Variants in GPC6 observed in about 807,000 individuals in gnomAD.
GPC6 encodes the protein glypican-6.
In GPC6, 14 loss-of-function variants were observed where a neutral mutation model predicts 55.2. That is an observed-to-expected ratio of 0.25 (90% CI 0.17 to 0.40). GPC6 has a LOEUF of 0.40. Ranked by LOEUF, GPC6 falls within the 10% of genes least tolerant of loss-of-function variation. GPC6 has a pLI of 1.00. For missense variants in GPC6, 641 were observed against 708.5 expected (o/e 0.90, Z 1.08); for synonymous variants, 278 against 259.6 (o/e 1.07, Z -0.68).
intron 1 of GPC6, among the ~76,000 whole-genome samples, chr13:93,418,723 C>T (rs1469725496): frequency 6.6e-6 from 1 of 151,294 alleles, no homozygotes; most frequent in Non-Finnish European, 1.5e-5. Context: ...TAGCACTATA[C>T]CGTAGTGTCA....
chr13:93,893,122 C>T (rs887671603), intron 3 of GPC6, among the ~76,000 whole-genome samples: 1 of 149,868 alleles, frequency 6.7e-6, no homozygotes, highest in African/African-American at 2.5e-5. Context: ...TGCAATGGCA[C>T]AATCTCTGCT....
In GPC6 at chr13:93,295,186, G is replaced by A. The variant is rs547354282; in HGVS notation, c.160+67570G>A. On this transcript the variant is annotated intron_variant, in intron 1 of 8. Coordinates refer to ENST00000377047, the MANE Select transcript of GPC6 (RefSeq NM_005708.5). Reference sequence around the variant, plus strand: ...GTGTGCCTGTAGTCCCAGTAGTCAGGAGGCTGAGGCTGAAGATCACCTGAG... The same window carrying A: ...GTGTGCCTGTAGTCCCAGTAGTCAGAAGGCTGAGGCTGAAGATCACCTGAG... Among the ~76,000 whole-genome samples the A allele has an allele frequency of 2.7e-5, 4 of 148,786 alleles. No homozygotes were observed. In the South Asian group the frequency reaches 8.5e-4, roughly 32 times the overall value.
At chr13:93,676,192 T>A (rs9556316) in intron 2 of GPC6, among the ~76,000 whole-genome samples, 2 of 103,586 alleles carry the variant, frequency 1.9e-5, no homozygotes, top group African/African-American at 7.0e-5. Context: ...CACACACACA[T>A]ATATATGTAT....
intron 1 of GPC6, among the ~76,000 whole-genome samples, chr13:93,355,262 G>A (rs12430181): frequency 0.069 from 10,530 of 152,204 alleles, 502 homozygotes; most frequent in East Asian, 0.12. Context: ...TTCTGCTGAC[G>A]TGTATGACTG....
At chr13:94,027,687 T>G (rs779116906) in intron 3 of GPC6, 42 bp from the exon 4 acceptor site, 1 of 1,587,398 alleles carries the variant, frequency 6.3e-7, no homozygotes, top group East Asian at 2.2e-5. Context: ...CTCTTTATCC[T>G]TCTTATTTTT....
rs1034269690 is a variant in GPC6, at chr13:93,569,802, G to A, written c.319+24381G>A. Among the ~76,000 whole-genome samples the A allele has an allele frequency of 4.6e-5, 7 of 151,976 alleles. No homozygotes were observed. In the East Asian group the frequency reaches 1.3e-3, roughly 29 times the overall value. On this transcript the variant is annotated intron_variant, in intron 2 of 8. Coordinates refer to ENST00000377047, the MANE Select transcript of GPC6 (RefSeq NM_005708.5). ...TTATGAATAATTTCAAAAAATATAG[G>A]TGATAAAGTTACCAATTATAATAAA...
chr13:93,517,969 A>G (rs2590531), intron 1 of GPC6, among the ~76,000 whole-genome samples: 143,051 of 151,752 alleles, frequency 0.94, 67,988 homozygotes, highest in East Asian at 1. Flanking sequence ...GAAATTGCTT[A>G]TTAATATTAT....
intron 1 of GPC6, among the ~76,000 whole-genome samples, chr13:93,323,356 T>C (rs552316006): frequency 2.6e-5 from 4 of 152,312 alleles, no homozygotes; most frequent in African/African-American, 4.8e-5. Flanking sequence ...ATGTGATATA[T>C]ATCAGTTTTC....
chr13:93,410,420 A>T (rs973749564), intron 1 of GPC6, among the ~76,000 whole-genome samples: 1 of 152,290 alleles, frequency 6.6e-6, no homozygotes, highest in South Asian at 2.1e-4. Context: ...ATGATCACTT[A>T]GTGGCATGCT....
chr13:94,150,416 A>G (rs1308698670), intron 4 of GPC6, among the ~76,000 whole-genome samples: 1 of 152,002 alleles, frequency 6.6e-6, no homozygotes, highest in Non-Finnish European at 1.5e-5. Context: ...TTGAAGTCTC[A>G]GCTTTTTAGT....
rs369020255 is a variant in GPC6 at position 93,830,612 on chromosome 13, TAA to T, written c.711+92_711+93del. 0.022 allele frequency: 7,131 copies of T among 318,724 alleles called. No homozygotes were observed. The highest frequency in any genetic ancestry group is 0.043 in the South Asian group (1,407 of 32,430). The allele number at this position is 318,724 out of a possible 1,614,324, so 19.7% of individuals were successfully genotyped here. On this transcript the variant is annotated intron_variant, in intron 3 of 8. Transcript: ENST00000377047. ...TTATTCTGTTTTTAAAACCAATGTTTAAAAAAAAAAAAAAAAAAAAAAAAAAC... is the reference window on the plus strand; with the variant it reads ...TTATTCTGTTTTTAAAACCAATGTTTAAAAAAAAAAAAAAAAAAAAAAAAC...
intron 3 of GPC6, among the ~76,000 whole-genome samples, chr13:93,832,103 A>G (rs867024386): frequency 5.2e-4 from 37 of 70,564 alleles, no homozygotes; most frequent in East Asian, 5.2e-3. Context: ...AAAAAAAAAA[A>G]AAAAAAAAAA....
At chr13:94,054,817 T>C (rs1408173371) in intron 4 of GPC6, among the ~76,000 whole-genome samples, 5 of 152,118 alleles carry the variant, frequency 3.3e-5, no homozygotes, top group Non-Finnish European at 5.9e-5. Flanking sequence ...GTGTAAATCA[T>C]GGGGGAGTGA....
At chr13:93,966,407 C>A (rs1278452261) in intron 3 of GPC6, among the ~76,000 whole-genome samples, 1 of 152,126 alleles carries the variant, frequency 6.6e-6, no homozygotes, top group Non-Finnish European at 1.5e-5. Context: ...TTTTCTTTTG[C>A]TTCATATGGG....
At chr13:93,654,784 A>C (rs906834014) in intron 2 of GPC6, among the ~76,000 whole-genome samples, 1 of 150,936 alleles carries the variant, frequency 6.6e-6, no homozygotes, top group East Asian at 1.9e-4. Context: ...AGCCTAGAAT[A>C]TTTTCTTAAA....
chr13:94,336,474 G>A (rs1269465467), intron 6 of GPC6, among the ~76,000 whole-genome samples: 1 of 152,072 alleles, frequency 6.6e-6, no homozygotes, highest in Admixed American at 6.6e-5. Flanking sequence ...CCTGTGTCTG[G>A]GTCTTGTCTA....
intron 3 of GPC6, among the ~76,000 whole-genome samples, chr13:94,003,377 G>T (rs1445303413): frequency 6.6e-6 from 1 of 152,162 alleles, no homozygotes; most frequent in Non-Finnish European, 1.5e-5. Context: ...CATGACAACT[G>T]CATCAATAGA....
At chr13:93,793,140 G>T (rs1188504979) in intron 2 of GPC6, among the ~76,000 whole-genome samples, 3 of 152,162 alleles carry the variant, frequency 2.0e-5, no homozygotes, top group African/African-American at 7.2e-5. Context: ...GATATCTGTT[G>T]TACATCATGT....
At chr13:93,303,149 T>C (rs1158678818) in intron 1 of GPC6, among the ~76,000 whole-genome samples, 1 of 152,164 alleles carries the variant, frequency 6.6e-6, no homozygotes, top group African/African-American at 2.4e-5. Flanking sequence ...TTACACTACT[T>C]CAATGGAGCC....
Sources: gnomAD v4.1 joint callset for allele counts (sites outside exome capture counted in the v4.1 genomes callset) on GRCh38, gnomAD v4.1.1 for gene constraint, MANE v1.5 for transcripts, NCBI Gene and HGNC (gene_info 2026-07-23, HGNC 2026-07-21) for gene names.